The following CASP2 variants were observed in gnomAD, a reference collection of about 807,000 sequenced individuals.
The protein encoded by CASP2 is caspase-2.
Under a neutral mutation model 54.4 loss-of-function variants are expected in CASP2, and 38 were observed. That is an observed-to-expected ratio of 0.70 (90% CI 0.54 to 0.92). The LOEUF (loss-of-function observed/expected upper bound fraction) is 0.92, where lower values mean the gene tolerates loss of function less well. Ranked by LOEUF, CASP2 falls within the 40% of genes least tolerant of loss-of-function variation. The pLI, the probability that CASP2 is intolerant of heterozygous loss-of-function variation, is 0.00. For synonymous variants in CASP2, 215 were observed against 216.3 expected (o/e 0.99, Z 0.05); for missense variants, 512 against 579.6 (o/e 0.88, Z 1.20).
chr7:143,299,314 A>G (rs1375470626), intron 6 of CASP2, among the ~76,000 whole-genome samples: 6 of 152,192 alleles, frequency 3.9e-5, no homozygotes, highest in Non-Finnish European at 8.8e-5. Flanking sequence ...AACCTAGATT[A>G]ATCTGAACCC....
chr7:143,291,260 G>T (rs954184926), intron 1 of CASP2, among the ~76,000 whole-genome samples: 1 of 152,122 alleles, frequency 6.6e-6, no homozygotes, highest in Non-Finnish European at 1.5e-5. Flanking sequence ...GTACTTGGGG[G>T]TATTGTTTTG....
intron 2 of CASP2, 144 bp from the exon 3 acceptor site, chr7:143,292,156 A>G: frequency 1.3e-6 from 1 of 767,888 alleles, no homozygotes. Flanking sequence ...TAACTCAAGA[A>G]TAACAGAAAG....
intron 6 of CASP2, among the ~76,000 whole-genome samples, chr7:143,299,352 G>A (rs930256265): frequency 6.6e-6 from 1 of 152,142 alleles, no homozygotes; most frequent in Admixed American, 6.5e-5. Context: ...TTACTGCCCT[G>A]TACAGAATCC....
At chr7:143,304,505 C>T (rs1464726711) in intron 9 of CASP2, among the ~76,000 whole-genome samples, 169 bp from the exon 10 acceptor site, 3 of 152,172 alleles carry the variant, frequency 2.0e-5, no homozygotes, top group African/African-American at 7.2e-5. Flanking sequence ...AACAGACCTA[C>T]GGTATCTCCA....
intron 2 of CASP2, 80 bp downstream of exon 2, chr7:143,291,770 ATCTT>A (rs1801570761): frequency 1.5e-6 from 1 of 687,722 alleles, no homozygotes; most frequent in Non-Finnish European, 2.3e-6. Context: ...AGGGTGTCGT[ATCTT>A]TCTTCCTTTT....
chr7:143,298,944 C>G (rs1344673159), intron 6 of CASP2: 1 of 151,752 alleles, frequency 6.6e-6, no homozygotes, highest in South Asian at 2.1e-4. Context: ...GCAATGTGTC[C>G]CAGACACAGT....
intron 3 of CASP2, 44 bp from the exon 4 acceptor site, chr7:143,292,573 C>T (rs1334805898): frequency 1.1e-5 from 18 of 1,603,812 alleles, no homozygotes; most frequent in Non-Finnish European, 1.5e-5. Context: ...TTGGACCGGA[C>T]CACTTCCCTA....
intron 6 of CASP2, among the ~76,000 whole-genome samples, chr7:143,297,933 TAC>T (rs905552646): frequency 2.0e-5 from 3 of 152,242 alleles, no homozygotes; most frequent in African/African-American, 4.8e-5. Flanking sequence ...ACTTAGAAAA[TAC>T]AGATACTTTT....
At chr7:143,291,504 G>T in intron 1 of CASP2, 36 bp from the exon 2 acceptor site, 1 of 1,609,172 alleles carries the variant, frequency 6.2e-7, no homozygotes, top group South Asian at 1.1e-5. Context: ...GTCAAATTGT[G>T]ACTTGACAGC....
At position 143,292,412 on chromosome 7, in the gene CASP2, A is replaced by G; in HGVS notation, c.338A>G (p.His113Arg). 6.2e-7 allele frequency: 1 copy of G among 1,614,130 alleles called. No homozygotes were observed. The highest frequency in any genetic ancestry group is 8.5e-7 in the Non-Finnish European group (1 of 1,180,032). Residue 113 changes from histidine (H) to arginine (R), a missense_variant, in exon 3 of 11, where the codon CAC (histidine) becomes CGC (arginine). His to Arg is a conservative substitution (Grantham distance 29, BLOSUM62 0). Around this residue, in one of 3 missense-constraint regions of CASP2, gnomAD observed 417 missense variants for 495.4 expected, o/e 0.84. Coordinates refer to ENST00000310447, the MANE Select transcript of CASP2 (RefSeq NM_032982.4). Reference sequence around the variant, plus strand: ...GCACTGAGGGAGACCAAGCAAGGCCACCTGGAGGATATGTTGCTCACCACC... The same window carrying G: ...GCACTGAGGGAGACCAAGCAAGGCCGCCTGGAGGATATGTTGCTCACCACC... Reference protein sequence around the residue: ...CEALRETKQGHLEDMLLTTLS... With the variant: ...CEALRETKQGRLEDMLLTTLS...
intron 1 of CASP2, 73 bp downstream of exon 1, chr7:143,288,602 C>G: frequency 7.6e-7 from 1 of 1,313,270 alleles, no homozygotes; most frequent in Non-Finnish European, 1.1e-6. Context: ...GGCGTGCGGC[C>G]CTGCAGCCCC....
intron 7 of CASP2, 41 bp from the exon 8 acceptor site, chr7:143,300,163 T>C (rs1801872051): frequency 1.2e-6 from 2 of 1,613,122 alleles, no homozygotes; most frequent in Non-Finnish European, 1.7e-6. Flanking sequence ...GAGGCCCCGC[T>C]GAATGCTTAA....
At chr7:143,304,442 A>C (rs1445842647) in intron 9 of CASP2, among the ~76,000 whole-genome samples, 1 of 152,198 alleles carries the variant, frequency 6.6e-6, no homozygotes, top group Non-Finnish European at 1.5e-5. Flanking sequence ...GGAGACCTGA[A>C]AATTTGTATG....
intron 1 of CASP2, among the ~76,000 whole-genome samples, chr7:143,289,347 A>AG (rs1233698592): frequency 2.0e-5 from 3 of 152,194 alleles, no homozygotes; most frequent in Admixed American, 2.0e-4. Flanking sequence ...GGGTGTGCAG[A>AG]GGGGGTGATG....
In CASP2 at chr7:143,305,265, C is replaced by T. The variant is rs1008843909; in HGVS notation, c.*194C>T. 7.6e-5 allele frequency: 54 copies of T among 711,966 alleles called. No individual in the cohort carries two copies. Among genetic ancestry groups the T allele is most frequent in the Non-Finnish European group, 1.1e-4 (45 of 412,162 alleles). 44.1% of individuals were successfully genotyped at this position (711,966 alleles called of 1,614,324 possible). ...CAGGCCAGCTCCTTTTCTGTGAAGC[C>T]CTTTGCCTGTAGAGCCAGCCTTGGT... On this transcript the variant is annotated 3_prime_UTR_variant, in exon 11 of 11. Coordinates refer to ENST00000310447, the MANE Select transcript of CASP2 (RefSeq NM_032982.4).
chr7:143,299,255 G>A (rs572057046), intron 6 of CASP2, among the ~76,000 whole-genome samples: 11 of 152,084 alleles, frequency 7.2e-5, no homozygotes, highest in Admixed American at 5.2e-4. Flanking sequence ...TGAAAAGTGA[G>A]GTCTCAAGGG....
At chr7:143,296,187 A>G (rs1023379152) in intron 6 of CASP2, among the ~76,000 whole-genome samples, 2 of 152,238 alleles carry the variant, frequency 1.3e-5, no homozygotes, top group African/African-American at 4.8e-5. Flanking sequence ...TCACTTCATA[A>G]ATAGCATTTC....
At chr7:143,291,941 G>C (rs1398321192) in intron 2 of CASP2, among the ~76,000 whole-genome samples, 1 of 151,866 alleles carries the variant, frequency 6.6e-6, no homozygotes, top group African/African-American at 2.4e-5. Context: ...ACCATGCCTG[G>C]CTAATTTTTT....
In CASP2 at chr7:143,288,488, C is replaced by T; in HGVS notation, c.33C>T (p.Thr11=). 6 of 1,613,400 alleles carry T rather than the reference C, an allele frequency of 3.7e-6. No individual in the cohort carries two copies. Among genetic ancestry groups the T allele is most frequent in the Non-Finnish European group, 5.1e-6 (6 of 1,179,680 alleles). MAAPSAGSWS[T]FQHKELMAAD... The stretch of plus-strand genomic sequence containing the variant: ...CGCCGAGCGCGGGGTCTTGGTCCAC[C>T]TTCCAGCACAAGGAGCTGATGGCCG... Residue 11 remains threonine (T), a synonymous_variant, in exon 1 of 11, where the codon ACC becomes ACT. Coordinates refer to ENST00000310447, the MANE Select transcript of CASP2 (RefSeq NM_032982.4).
Sources: gnomAD v4.1 joint callset for allele counts (sites outside exome capture counted in the v4.1 genomes callset) on GRCh38, gnomAD v4.1.1 for gene constraint, gnomAD v4.1.1 regional missense constraint, MANE v1.5 for transcripts, NCBI Gene and HGNC (gene_info 2026-07-23, HGNC 2026-07-21) for gene names.